Variants in ANKS1B observed in about 807,000 individuals in gnomAD.
ANKS1B encodes the protein ankyrin repeat and sterile alpha motif domain containing 1B.
Under a neutral mutation model 148.3 loss-of-function variants are expected in ANKS1B, and 36 were observed. That is an observed-to-expected ratio of 0.24 (90% CI 0.19 to 0.32). The LOEUF (loss-of-function observed/expected upper bound fraction) is 0.32, where lower values mean the gene tolerates loss of function less well. Ranked by LOEUF, ANKS1B falls within the 10% of genes least tolerant of loss-of-function variation. ANKS1B has a pLI of 1.00. For missense variants in ANKS1B, 1,157 were observed against 1,542.6 expected, an observed-to-expected ratio of 0.75 and a Z score of 4.19; for synonymous variants, 542 against 560.8, an observed-to-expected ratio of 0.97 and a Z score of 0.47.
At chr12:99,822,893 TTTACA>T (rs1013156058) in intron 2 of ANKS1B, among the ~76,000 whole-genome samples, 2 of 152,214 alleles carry the variant, frequency 1.3e-5, no homozygotes, top group African/African-American at 4.8e-5. Context: ...TGAACTAATT[TTTACA>T]TTCCCACCAA....
At chr12:99,243,789 C>T (rs1264451311) in intron 14 of ANKS1B, among the ~76,000 whole-genome samples, 3 of 152,130 alleles carry the variant, frequency 2.0e-5, no homozygotes, top group African/African-American at 4.8e-5. Flanking sequence ...GAAAACCAAA[C>T]ACCACATGTT....
intron 17 of ANKS1B, among the ~76,000 whole-genome samples, chr12:98,980,519 T>G (rs1046185060): frequency 5.3e-5 from 8 of 152,252 alleles, no homozygotes; most frequent in African/African-American, 1.9e-4. Flanking sequence ...CATAGGTATT[T>G]TAACATTCTT....
chr12:99,562,099 A>G (rs919060813), intron 9 of ANKS1B, among the ~76,000 whole-genome samples: 1 of 152,208 alleles, frequency 6.6e-6, no homozygotes, highest in Non-Finnish European at 1.5e-5. Flanking sequence ...TTGGGTGACT[A>G]AGTGCATTGT....
chr12:99,822,775 A>G (rs887286042), intron 2 of ANKS1B, among the ~76,000 whole-genome samples: 5 of 152,132 alleles, frequency 3.3e-5, no homozygotes, highest in African/African-American at 1.2e-4. Flanking sequence ...TTTTTGATAG[A>G]ACAATTTACT....
At chr12:99,088,296 GGGTTT>G (rs1347644799) in intron 15 of ANKS1B, among the ~76,000 whole-genome samples, 1 of 152,140 alleles carries the variant, frequency 6.6e-6, no homozygotes, top group Non-Finnish European at 1.5e-5. Flanking sequence ...CTGCAGAACT[GGGTTT>G]GGATCATGGC....
chr12:99,574,389 G>T (rs2097494931), intron 9 of ANKS1B, among the ~76,000 whole-genome samples: 1 of 151,932 alleles, frequency 6.6e-6, no homozygotes, highest in Non-Finnish European at 1.5e-5. Context: ...CAGTAGAGAG[G>T]ATAAATTAGT....
intron 24 of ANKS1B, among the ~76,000 whole-genome samples, chr12:98,774,639 G>A (rs568359317): frequency 8.6e-5 from 13 of 152,006 alleles, no homozygotes; most frequent in African/African-American, 2.7e-4. Context: ...TTTTAATTGC[G>A]CTGTCTTAAA....
chr12:99,755,669 G>C (rs1319446466), intron 8 of ANKS1B, among the ~76,000 whole-genome samples: 3 of 149,494 alleles, frequency 2.0e-5, no homozygotes, highest in African/African-American at 7.4e-5. Flanking sequence ...AATCAAGCAG[G>C]CTCTATCCCT....
At chr12:98,855,603 C>A (rs190737565) in intron 17 of ANKS1B, among the ~76,000 whole-genome samples, 1 of 152,216 alleles carries the variant, frequency 6.6e-6, no homozygotes, top group Admixed American at 6.5e-5. Context: ...AGAAAATATA[C>A]GCAGGATAAA....
At chr12:98,961,098 C>G (rs2099870613) in intron 17 of ANKS1B, among the ~76,000 whole-genome samples, 1 of 152,058 alleles carries the variant, frequency 6.6e-6, no homozygotes, top group Non-Finnish European at 1.5e-5. Flanking sequence ...GAAGTTTATT[C>G]AAAAAGATAA....
chr12:99,349,328 ATAAG>A (rs2091128480), intron 12 of ANKS1B, among the ~76,000 whole-genome samples: 1 of 152,010 alleles, frequency 6.6e-6, no homozygotes, highest in African/African-American at 2.4e-5. Flanking sequence ...GCAAAATGGC[ATAAG>A]TAAGTTCTTT....
chr12:99,268,988 C>T (rs1442881724), intron 12 of ANKS1B, among the ~76,000 whole-genome samples: 1 of 152,192 alleles, frequency 6.6e-6, no homozygotes, highest in Non-Finnish European at 1.5e-5. Context: ...AATCAGGTGT[C>T]ATTGGTTGTA....
intron 25 of ANKS1B, among the ~76,000 whole-genome samples, chr12:98,768,109 A>G (rs1267714078): frequency 6.6e-6 from 1 of 152,132 alleles, no homozygotes; most frequent in African/African-American, 2.4e-5. Context: ...TTTGTTCTAC[A>G]GTGGGTGAGA....
intron 17 of ANKS1B, among the ~76,000 whole-genome samples, chr12:98,962,144 TA>T (rs549255869): frequency 0.03 from 4,090 of 134,408 alleles, 149 homozygotes; most frequent in African/African-American, 0.09. Context: ...GCTGAATGGA[TA>T]AAAAAAAAAA....
At chr12:99,283,392 A>G (rs1263035303) in intron 12 of ANKS1B, among the ~76,000 whole-genome samples, 1 of 152,160 alleles carries the variant, frequency 6.6e-6, no homozygotes, top group Non-Finnish European at 1.5e-5. Flanking sequence ...GTTATTAGTT[A>G]TACATTTTTC....
intron 17 of ANKS1B, among the ~76,000 whole-genome samples, chr12:98,992,039 A>C (rs551121609): frequency 2.2e-4 from 33 of 152,352 alleles, no homozygotes; most frequent in African/African-American, 7.9e-4. Flanking sequence ...GAGGTTGTAG[A>C]GAATGGGGCA....
intron 8 of ANKS1B, among the ~76,000 whole-genome samples, chr12:99,742,837 CAAAA>C (rs57232737): frequency 0.027 from 3,206 of 119,528 alleles, 120 homozygotes; most frequent in African/African-American, 0.093. Context: ...GACTCTGTCT[CAAAA>C]AAAAAAAAAA....
At chr12:99,516,604 G>A (rs2096823880) in intron 9 of ANKS1B, among the ~76,000 whole-genome samples, 1 of 152,022 alleles carries the variant, frequency 6.6e-6, no homozygotes, top group Non-Finnish European at 1.5e-5. Flanking sequence ...GCAGGGGGAG[G>A]GAAAGCAACA....
chr12:99,094,030 G>C (rs563322711), intron 15 of ANKS1B, among the ~76,000 whole-genome samples: 178 of 152,306 alleles, frequency 1.2e-3, no homozygotes, highest in African/African-American at 4.1e-3. Context: ...GAAATGAGCT[G>C]GCAGAGTCCA....
Sources: gnomAD v4.1 joint callset for allele counts (sites outside exome capture counted in the v4.1 genomes callset) on GRCh38, gnomAD v4.1.1 for gene constraint, MANE v1.5 for transcripts, NCBI Gene and HGNC (gene_info 2026-07-23, HGNC 2026-07-21) for gene names.